Variants in COL4A2 observed in about 807,000 individuals in gnomAD.
COL4A2 encodes collagen alpha-2(IV) chain.
COL4A2 carries 99 observed loss-of-function variants against 200.2 expected under a neutral mutation model. The observed-to-expected ratio is 0.49, with a 90% CI of 0.42 to 0.58. COL4A2 has a LOEUF of 0.58. Among genes scored for constraint, COL4A2 ranks in the 20% least tolerant of loss-of-function variants. The probability of loss-of-function intolerance (pLI) is 0.00; values close to 1 mark genes in which losing one functional copy is unlikely to be tolerated. For synonymous variants in COL4A2, 897 were observed against 900.6 expected (o/e 1.00, Z 0.07); for missense variants, 1,950 against 2,314.1 (o/e 0.84, Z 3.23).
intron 21 of COL4A2, chr13:110,457,737 A>G: frequency 1.8e-6 from 1 of 541,908 alleles, no homozygotes. Flanking sequence ...AAAAGGGAAA[A>G]CAGTTATTTC....
At chr13:110,325,515 A>G (rs886972328) in intron 3 of COL4A2, among the ~76,000 whole-genome samples, 1 of 152,218 alleles carries the variant, frequency 6.6e-6, no homozygotes, top group Non-Finnish European at 1.5e-5. Flanking sequence ...AGATCATAGA[A>G]GTGTCTCCCA....
chr13:110,385,096 A>C (rs1878634671), intron 4 of COL4A2, among the ~76,000 whole-genome samples: 1 of 152,136 alleles, frequency 6.6e-6, no homozygotes, highest in Non-Finnish European at 1.5e-5. Context: ...AACACTGTCT[A>C]CTAAAAATAG....
intron 4 of COL4A2, among the ~76,000 whole-genome samples, chr13:110,378,996 T>C (rs1014011041): frequency 6.6e-6 from 1 of 152,032 alleles, no homozygotes; most frequent in Non-Finnish European, 1.5e-5. Flanking sequence ...CCGGGGGCAT[T>C]TGGGCCCCGT....
At chr13:110,361,509 T>C (rs1055145627) in intron 4 of COL4A2, among the ~76,000 whole-genome samples, 4 of 152,218 alleles carry the variant, frequency 2.6e-5, no homozygotes, top group African/African-American at 9.7e-5. Context: ...TTTATGGGCA[T>C]GGTACCCCAG....
chr13:110,364,378 C>T (rs1877651481), intron 4 of COL4A2, among the ~76,000 whole-genome samples: 1 of 152,154 alleles, frequency 6.6e-6, no homozygotes, highest in South Asian at 2.1e-4. Context: ...TCCAAACTGG[C>T]CCATTATCTA....
chr13:110,469,270 G>A lies in COL4A2; in HGVS notation c.2149G>A (p.Gly717Arg). The change falls in exon 28 of 48, where the codon GGG becomes AGG. Residue 717 changes from glycine to arginine, a missense_variant. Gly to Arg is a moderately radical substitution (Grantham distance 125, BLOSUM62 -2). Transcript: ENST00000360467. ...PGFAGADGGPGPRGLPGDAGR... is the reference protein window; with the variant it reads ...PGFAGADGGPRPRGLPGDAGR... Reference sequence around the variant, plus strand: ...CTTCGCAGGAGCTGATGGAGGACCAGGGCCCAGGGGCTTGCCAGGAGACGC... The same window carrying A: ...CTTCGCAGGAGCTGATGGAGGACCAAGGCCCAGGGGCTTGCCAGGAGACGC... 6.2e-7 allele frequency: 1 copy of A among 1,604,166 alleles called. No homozygotes were observed.
At chr13:110,370,057 G>A (rs927896756) in intron 4 of COL4A2, among the ~76,000 whole-genome samples, 2 of 151,872 alleles carry the variant, frequency 1.3e-5, no homozygotes, top group Non-Finnish European at 2.9e-5. Flanking sequence ...CTTTCTAGCC[G>A]CTGCCTGATC....
At chr13:110,384,222 C>G (rs1878598010) in intron 4 of COL4A2, among the ~76,000 whole-genome samples, 1 of 152,174 alleles carries the variant, frequency 6.6e-6, no homozygotes, top group African/African-American at 2.4e-5. Context: ...AATCATACAT[C>G]AATGACAGAG....
intron 4 of COL4A2, among the ~76,000 whole-genome samples, chr13:110,399,563 A>T (rs1879301336): frequency 1.3e-5 from 2 of 152,210 alleles, no homozygotes; most frequent in South Asian, 4.1e-4. Context: ...AAATGTGTGG[A>T]ACTGAGCCTA....
At position 110,319,892 on chromosome 13, in the gene COL4A2, G is replaced by A. The variant is rs183452901; in HGVS notation, c.99+11769G>A. Among the ~76,000 whole-genome samples the A allele has an allele frequency of 7.2e-4, 110 of 152,216 alleles. 1 individual carries two copies. The highest frequency in any genetic ancestry group is 2.5e-3 in the African/African-American group (105 of 41,528). On this transcript the variant is annotated intron_variant, in intron 3 of 47. Coordinates refer to ENST00000360467, the MANE Select transcript of COL4A2 (RefSeq NM_001846.4). ...TCTTAGTCATCAGCTCTTATTGTCC[G>A]GCCTCCTCCTTCCTGTTGTAAAACA... is the stretch of plus-strand genomic sequence containing the variant.
At chr13:110,314,447 A>T (rs1885079944) in intron 3 of COL4A2, among the ~76,000 whole-genome samples, 1 of 152,216 alleles carries the variant, frequency 6.6e-6, no homozygotes, top group African/African-American at 2.4e-5. Flanking sequence ...AGTCTCTTCC[A>T]CTTAGTGGAA....
At position 110,478,043 on chromosome 13, in the gene COL4A2, G is replaced by T. The variant is rs1414599637; in HGVS notation, c.2466G>T (p.Gln822His). 1 of 1,592,558 alleles carries T rather than the reference G, an allele frequency of 6.3e-7. No individual in the cohort carries two copies. Among genetic ancestry groups the T allele is most frequent in the East Asian group, 2.3e-5 (1 of 44,154 alleles). Residue 822 changes from glutamine to histidine, a missense_variant, in exon 30 of 48, where the codon CAG becomes CAT. By Grantham distance (24) the Gln-to-His change is conservative. This residue lies in a region of COL4A2 where 1,385 missense variants were observed against 1,720.5 expected (regional missense o/e 0.80). Coordinates refer to ENST00000360467, the MANE Select transcript of COL4A2 (RefSeq NM_001846.4). Reference sequence around the variant, plus strand: ...CTGGGATGCCAGGGCTGAAGGGCCAGCCAGGCCTCCCAGGACCTTCCGGCC... The same window carrying T: ...CTGGGATGCCAGGGCTGAAGGGCCATCCAGGCCTCCCAGGACCTTCCGGCC... ...GMPGMPGLKG[Q>H]PGLPGPSGQP...
chr13:110,426,833 A>G lies in COL4A2; in HGVS notation c.361-1634A>G, dbSNP rs182184700. ...TCACAGAATACTAAAAATCTGGAGC[A>G]GAACATGTGGAGAGCTGTTTTCTCA... On this transcript the variant is annotated intron_variant, in intron 6 of 47. Coordinates refer to ENST00000360467, the MANE Select transcript of COL4A2 (RefSeq NM_001846.4). 1.8e-3 allele frequency among the ~76,000 whole-genome samples: 280 copies of G among 152,356 alleles called. 2 individuals carry two copies. Among genetic ancestry groups the G allele is most frequent in the African/African-American group, 6.5e-3 (272 of 41,596 alleles).
chr13:110,399,629 C>T (rs1219157846), intron 4 of COL4A2, among the ~76,000 whole-genome samples: 2 of 152,134 alleles, frequency 1.3e-5, no homozygotes, highest in Admixed American at 6.5e-5. Flanking sequence ...GTGACACAAT[C>T]CAGTTTTGTG....
chr13:110,430,496 A>G lies in COL4A2; in HGVS notation c.586-49A>G, dbSNP rs200660165. On this transcript the variant is annotated intron_variant, in intron 9 of 47. Transcript: ENST00000360467. ...AAAGTTTAAGAGCTTCAGAACTCCA[A>G]GTACCAGTTTACCTCTCTTAAAAAC... 1,116 of 1,614,152 alleles carry G rather than the reference A, an allele frequency of 6.9e-4. 6 individuals are homozygous for G. The highest frequency in any genetic ancestry group is 5.0e-3 in the South Asian group (454 of 91,058).
chr13:110,345,015 CAG>C (rs537721772), intron 3 of COL4A2, among the ~76,000 whole-genome samples: 41 of 152,154 alleles, frequency 2.7e-4, no homozygotes, highest in African/African-American at 8.4e-4. Flanking sequence ...TGTGGTTTTG[CAG>C]AGTGTGAGAA....
chr13:110,385,434 C>T (rs115945569), intron 4 of COL4A2, among the ~76,000 whole-genome samples: 3,980 of 42,250 alleles, frequency 0.094, 610 homozygotes, highest in African/African-American at 0.12. Flanking sequence ...GGTTACAGTG[C>T]CTGGATAGAC....
intron 3 of COL4A2, among the ~76,000 whole-genome samples, chr13:110,356,816 G>T (rs1594167034): frequency 6.6e-6 from 1 of 151,226 alleles, no homozygotes; most frequent in Non-Finnish European, 1.5e-5. Context: ...GCCCAGGCTG[G>T]AGTGCAGTGG....
At position 110,438,078 on chromosome 13, in the gene COL4A2, T is replaced by G. The variant is rs377757896; in HGVS notation, c.861+41T>G. The G allele has an allele frequency of 1.1e-5, 17 of 1,586,212 alleles. No individual in the cohort carries two copies. The African/African-American group carries it at 2.3e-4, about 21-fold the overall frequency. ...AGCATGCCCCCTCCCCTGTGGCTCC[T>G]GGGCTGTCGGCGCTCTGCCAGGCAT... On this transcript the variant is annotated intron_variant, in intron 14 of 47. Transcript: ENST00000360467.
Sources: gnomAD v4.1 joint callset for allele counts (sites outside exome capture counted in the v4.1 genomes callset) on GRCh38, gnomAD v4.1.1 for gene constraint, gnomAD v4.1.1 regional missense constraint, MANE v1.5 for transcripts, NCBI Gene and HGNC (gene_info 2026-07-23, HGNC 2026-07-21) for gene names.